KLHL11: variants seen among roughly 807,000 people sequenced by gnomAD.
KLHL11 encodes kelch like family member 11.
In KLHL11, 26 loss-of-function variants were observed where a neutral mutation model predicts 56.1. The observed-to-expected ratio is 0.46, with a 90% confidence interval of 0.34 to 0.64. The LOEUF (loss-of-function observed/expected upper bound fraction) is 0.64. KLHL11 is among the 30% of genes least tolerant of loss of function. The pLI is 0.01. For synonymous variants in KLHL11, 338 were observed against 345.8 expected (o/e 0.98, Z 0.25); for missense variants, 627 against 919.4 (o/e 0.68, Z 4.11).
rs782630323 is a variant in KLHL11 at position 41,854,393 on chromosome 17, G to T, written c.1474C>A (p.Arg492=). 1 of 1,614,082 alleles carries T rather than the reference G, an allele frequency of 6.2e-7. No individual in the cohort carries two copies. Among genetic ancestry groups the T allele is most frequent in the Non-Finnish European group, 8.5e-7 (1 of 1,180,014 alleles). Residue 492 remains arginine (R), a synonymous_variant, in exon 2 of 2, where the codon CGA becomes AGA. Coordinates refer to ENST00000319121, the MANE Select transcript of KLHL11 (RefSeq NM_018143.3). This position sits in a 1 kb window ranked among gnomAD's most constrained non-coding sequence, Gnocchi z 4.9. ...HNLESAPKIL[R]DVKALAIEDR... is the part of the protein sequence containing the mutation. Reference sequence around the variant, plus strand: ...TCAATGGCTAGTGCTTTGACATCTCGAAGAATCTTTGGTGCCGATTCCAAG... The same window carrying T: ...TCAATGGCTAGTGCTTTGACATCTCTAAGAATCTTTGGTGCCGATTCCAAG...
intron 1 of KLHL11, among the ~76,000 whole-genome samples, chr17:41,861,589 G>A (rs1403744209): frequency 1.3e-5 from 2 of 149,188 alleles, no homozygotes; most frequent in Non-Finnish European, 3.0e-5. Context: ...GGGAGGCTGA[G>A]GCAGGAAAAT....
At position 41,852,416 on chromosome 17, in the gene KLHL11, G is replaced by A. The variant is rs2048336950; in HGVS notation, c.*1324C>T. On this transcript the variant is annotated 3_prime_UTR_variant, in exon 2 of 2. Coordinates refer to ENST00000319121, the MANE Select transcript of KLHL11 (RefSeq NM_018143.3). ...GCAACTGGATAAAATATAACAATCA[G>A]AAATAATAAGGCTTCTCTTTAGCAA... 6.6e-6 allele frequency among the ~76,000 whole-genome samples: 1 copy of A among 152,112 alleles called. No individual in the cohort carries two copies. The highest frequency in any genetic ancestry group is 2.1e-4 in the South Asian group (1 of 4,822).
intron 1 of KLHL11, among the ~76,000 whole-genome samples, chr17:41,863,402 G>C (rs1282483974): frequency 6.6e-6 from 1 of 151,936 alleles, no homozygotes; most frequent in African/African-American, 2.4e-5. Flanking sequence ...TCACAATGTT[G>C]GCCAGGCTGG....
At position 41,865,272 on chromosome 17, in the gene KLHL11, C is replaced by G; in HGVS notation, c.99G>C (p.Ser33=). The stretch of plus-strand genomic sequence containing the variant: ...CTCGGACCTCGGCGGCCAGTCCTGC[C>G]GAGCCGGCGGCGGCCGTCTCCATGC... ...MESMETAAAG[S]AGLAAEVRGS... is the part of the protein sequence containing the mutation. Residue 33 remains serine (S), a synonymous_variant, in exon 1 of 2, where the codon TCG becomes TCC. Coordinates refer to ENST00000319121, the MANE Select transcript of KLHL11 (RefSeq NM_018143.3). 6.4e-7 allele frequency: 1 copy of G among 1,574,400 alleles called. No individual in the cohort carries two copies. The highest frequency in any genetic ancestry group is 8.6e-7 in the Non-Finnish European group (1 of 1,167,138).
intron 1 of KLHL11, among the ~76,000 whole-genome samples, chr17:41,857,888 C>T (rs2048376109): frequency 6.6e-6 from 1 of 152,162 alleles, no homozygotes; most frequent in South Asian, 2.1e-4. Context: ...GCGATCTCTG[C>T]TCACTGCAAC....
rs1471663449 is a variant in KLHL11, at chr17:41,850,431, CAT to C, written c.*3307_*3308del. On this transcript the variant is annotated 3_prime_UTR_variant, in exon 2 of 2. Transcript: ENST00000319121. ...ATCTTATGAGTTATAATTTCTGTCA[CAT>C]GATGTGAAAAAAACACAACCCCACA... 6.6e-5 allele frequency: 10 copies of C among 152,218 alleles called. No homozygotes were observed. Among genetic ancestry groups the C allele is most frequent in the African/African-American group, 2.2e-4 (9 of 41,536 alleles). 9.4% of individuals were successfully genotyped at this position (152,218 alleles called of 1,614,324 possible).
chr17:41,863,046 T>C (rs2048414462), intron 1 of KLHL11, among the ~76,000 whole-genome samples: 1 of 152,070 alleles, frequency 6.6e-6, no homozygotes, highest in South Asian at 2.1e-4. Flanking sequence ...ACTTTCAAAA[T>C]ATATCTGGAA....
chr17:41,851,847 G>T lies in KLHL11; in HGVS notation c.*1893C>A, dbSNP rs2048333680. ...GATGGCTTGCATCCAGGAGGTGGAG[G>T]TTGTAGTGAGCCGAGATCATACCAC... On this transcript the variant is annotated 3_prime_UTR_variant, in exon 2 of 2. Transcript: ENST00000319121. 6.6e-6 allele frequency among the ~76,000 whole-genome samples: 1 copy of T among 151,650 alleles called. No homozygotes were observed. The highest frequency in any genetic ancestry group is 1.5e-5 in the Non-Finnish European group (1 of 67,974).
chr17:41,857,558 AG>A (rs2048374021), intron 1 of KLHL11, among the ~76,000 whole-genome samples: 1 of 150,234 alleles, frequency 6.7e-6, no homozygotes, highest in Non-Finnish European at 1.5e-5. Context: ...TAAAATATAA[AG>A]TATTATTTAT....
chr17:41,853,708 G>GTA lies in KLHL11; in HGVS notation c.*30_*31dup, dbSNP rs2048344869. 1.3e-6 allele frequency: 2 copies of GTA among 1,574,390 alleles called. No individual in the cohort carries two copies. The highest frequency in any genetic ancestry group is 2.7e-5 in the African/African-American group (2 of 74,036). On this transcript the variant is annotated 3_prime_UTR_variant, in exon 2 of 2. Coordinates refer to ENST00000319121, the MANE Select transcript of KLHL11 (RefSeq NM_018143.3). ...GTATCTTCAGCTTCACGAAACGGGT[G>GTA]TAACAGTTTTAATCGGCACGCTTGA...
In KLHL11 at chr17:41,859,617, C is replaced by T. The variant is rs556706379; in HGVS notation, c.546-4296G>A. The stretch of plus-strand genomic sequence containing the variant: ...AACAAAAATTAGCTGGGCGTGGTGG[C>T]GTGCATCTGTTATCCCAGCTACTCA... On this transcript the variant is annotated intron_variant, in intron 1 of 1. Coordinates refer to ENST00000319121, the MANE Select transcript of KLHL11 (RefSeq NM_018143.3). Among the ~76,000 whole-genome samples, 30 of 151,974 alleles carry T rather than the reference C, an allele frequency of 2.0e-4. No homozygotes were observed. The South Asian group carries it at 6.2e-3, about 32-fold the overall frequency.
rs2048346856 is a variant in KLHL11 at position 41,853,869 on chromosome 17, C to T, written c.1998G>A (p.Leu666=). The change falls in exon 2 of 2, where the codon TTG becomes TTA. Residue 666 remains leucine (L), a synonymous_variant. Transcript: ENST00000319121. ...GCATAGGGTATCTCTGTGTGCCATG[C>T]AAGTACCGGTATGGGATCCTCACGT... The part of the protein sequence containing the change: ...ACHVRIPYRY[L]HGTQRYPMPQ... The T allele has an allele frequency of 1.9e-6, 3 of 1,614,162 alleles. No individual in the cohort carries two copies. The highest frequency in any genetic ancestry group is 2.5e-6 in the Non-Finnish European group (3 of 1,180,044).
Position 41,853,782 on chromosome 17 carries a change from G to A in KLHL11, c.2085C>T (p.Ala695=), listed in dbSNP as rs1567872984. 6.2e-7 allele frequency: 1 copy of A among 1,614,106 alleles called. No homozygotes were observed. ...IRQMQEIHRH[A]LNMRRVPSSQ... ...AGCTTGGCACTCGCCTCATGTTCAGGGCGTGACGATGTATCTCTTGCATCT... is the reference window on the plus strand; with the variant it reads ...AGCTTGGCACTCGCCTCATGTTCAGAGCGTGACGATGTATCTCTTGCATCT... Residue 695 remains alanine, a synonymous_variant, in exon 2 of 2, where the codon GCC becomes GCT. Coordinates refer to ENST00000319121, the MANE Select transcript of KLHL11 (RefSeq NM_018143.3).
At chr17:41,864,779 C>T in intron 1 of KLHL11, 47 bp downstream of exon 1, 2 of 1,478,118 alleles carry the variant, frequency 1.4e-6, no homozygotes, top group Non-Finnish European at 9.0e-7. Context: ...GAGCATCTCC[C>T]CCTCTCCGCG....
intron 1 of KLHL11, among the ~76,000 whole-genome samples, chr17:41,855,697 A>G (rs2048360595): frequency 7.4e-6 from 1 of 134,550 alleles, no homozygotes; most frequent in Non-Finnish European, 1.6e-5. Flanking sequence ...TTTGAGACAG[A>G]GTCTCACTTT....
rs897687866 is a variant in KLHL11, at chr17:41,852,518, C to A, written c.*1222G>T. The stretch of plus-strand genomic sequence containing the variant: ...GTAGAAAAGAATAATGGACTGGGCA[C>A]GGTGGCTCATGCCTGTAATCCCAGC... On this transcript the variant is annotated 3_prime_UTR_variant, in exon 2 of 2. Coordinates refer to ENST00000319121, the MANE Select transcript of KLHL11 (RefSeq NM_018143.3). 1.3e-5 allele frequency among the ~76,000 whole-genome samples: 2 copies of A among 151,878 alleles called. No individual in the cohort carries two copies. Among genetic ancestry groups the A allele is most frequent in the Non-Finnish European group, 2.9e-5 (2 of 67,966 alleles).
Position 41,854,898 on chromosome 17 carries a change from A to G in KLHL11, c.969T>C (p.Ala323=). 6.2e-7 allele frequency: 1 copy of G among 1,614,244 alleles called. No homozygotes were observed. The change falls in exon 2 of 2, where the codon GCT becomes GCC. Residue 323 remains alanine, a synonymous_variant. Coordinates refer to ENST00000319121, the MANE Select transcript of KLHL11 (RefSeq NM_018143.3). This position sits in a 1 kb window ranked among gnomAD's most constrained non-coding sequence, Gnocchi z 4.9. ...ANNEVCVKLV[A]DAVERHALRA... is the part of the protein sequence containing the mutation. ...TCAGAGCATGTCTCTCCACTGCGTC[A>G]GCGACCAACTTGACACAAACTTCAT...
Position 41,854,364 on chromosome 17 carries a change from G to C in KLHL11, c.1503C>G (p.Asp501Glu). The C allele has an allele frequency of 6.2e-7, 1 of 1,614,172 alleles. No individual in the cohort carries two copies. The highest frequency in any genetic ancestry group is 8.5e-7 in the Non-Finnish European group (1 of 1,180,038). ...TGCGGGCGGCAATGTATACAAACCG[G>C]TCTTCAATGGCTAGTGCTTTGACAT... Reference protein sequence around the residue: ...LRDVKALAIEDRFVYIAARTP... With the variant: ...LRDVKALAIEERFVYIAARTP... Residue 501 changes from aspartate to glutamate, a missense_variant, in exon 2 of 2, where the codon GAC becomes GAG. Physicochemically the swap from Asp to Glu is conservative, Grantham distance 45 (BLOSUM62 2). This residue lies in a region of KLHL11 where 250 missense variants were observed against 360.6 expected (regional missense o/e 0.69). Coordinates refer to ENST00000319121, the MANE Select transcript of KLHL11 (RefSeq NM_018143.3). This position sits in a 1 kb window ranked among gnomAD's most constrained non-coding sequence, Gnocchi z 4.9.
At chr17:41,855,784 G>T (rs1266997438) in intron 1 of KLHL11, among the ~76,000 whole-genome samples, 186 of 140,366 alleles carry the variant, frequency 1.3e-3, no homozygotes, top group Middle Eastern at 8.9e-3. Context: ...CAATTCTCCT[G>T]CCTCAGCCTC....
Sources: allele counts gnomAD v4.1 joint callset (sites outside exome capture counted in the v4.1 genomes callset), GRCh38; gene constraint gnomAD v4.1.1; regional missense constraint gnomAD v4.1.1; non-coding constraint Gnocchi (gnomAD v3.1); transcripts MANE v1.5; gene names NCBI Gene and HGNC (gene_info 2026-07-23, HGNC 2026-07-21).